The following CDC27 variants were observed in gnomAD, a reference collection of about 807,000 sequenced individuals.
CDC27 encodes the protein cell division cycle 27.
In CDC27, 27 loss-of-function variants were observed where a neutral mutation model predicts 109.7. The observed-to-expected ratio is 0.25, with a 90% CI of 0.18 to 0.34. The LOEUF (loss-of-function observed/expected upper bound fraction) is 0.34. CDC27 is among the 10% of genes least tolerant of loss of function. The pLI, the probability that CDC27 is intolerant of heterozygous loss-of-function variation, is 1.00. For synonymous variants in CDC27, 266 were observed against 333.9 expected, an observed-to-expected ratio of 0.80 and a Z score of 2.22; for missense variants, 579 against 960.2, an observed-to-expected ratio of 0.60 and a Z score of 5.25.
intron 3 of CDC27, among the ~76,000 whole-genome samples, chr17:47,171,384 C>A (rs1189429745): frequency 1.3e-5 from 2 of 152,192 alleles, no homozygotes; most frequent in Non-Finnish European, 2.9e-5. Flanking sequence ...ACACATGTGA[C>A]CGTTTAGTCC....
chr17:47,188,893 T>C, intron 1 of CDC27: 1 of 1,387,576 alleles, frequency 7.2e-7, no homozygotes. Context: ...GGCCGGACGT[T>C]GGCTCGGACG....
Position 47,138,316 on chromosome 17 carries a change from G to C in CDC27, c.1704+423C>G, listed in dbSNP as rs373299731. On this transcript the variant is annotated intron_variant, in intron 13 of 18. Coordinates refer to ENST00000066544, the MANE Select transcript of CDC27 (RefSeq NM_001256.6). ...TTCTAAGCTTAGATATGTTACAAAA[G>C]TATCATTAAATATTTTTGAGATGCA... 7.9e-5 allele frequency among the ~76,000 whole-genome samples: 12 copies of C among 152,180 alleles called. No homozygotes were observed. In the East Asian group the frequency reaches 1.7e-3, roughly 22 times the overall value.
intron 2 of CDC27, among the ~76,000 whole-genome samples, chr17:47,176,972 A>C (rs2064038237): frequency 6.6e-6 from 1 of 152,100 alleles, no homozygotes; most frequent in Non-Finnish European, 1.5e-5. Flanking sequence ...TTGGGCTCTC[A>C]GTATCCTGGT....
intron 7 of CDC27, 87 bp downstream of exon 7, chr17:47,156,826 T>C: frequency 2.1e-6 from 1 of 477,722 alleles, no homozygotes; most frequent in Non-Finnish European, 3.8e-6. Context: ...GAAGTTGCTG[T>C]TGTAATAATC....
In CDC27 at chr17:47,127,102, A is replaced by C. The variant is rs553673808; in HGVS notation, c.2160+2291T>G. Among the ~76,000 whole-genome samples the C allele has an allele frequency of 2.2e-4, 34 of 152,166 alleles. No individual in the cohort carries two copies. In the East Asian group the frequency reaches 4.8e-3, roughly 22 times the overall value. ...GGCCACGGCACCTGGCCCTAAAAGA[A>C]GGTTTTTAAAGACTCCAGTTAGATA... On this transcript the variant is annotated intron_variant, in intron 16 of 18. Transcript: ENST00000066544.
Position 47,118,114 on chromosome 17 carries a change from C to T in CDC27, c.*2821G>A, listed in dbSNP as rs1180875393. 2 of 152,114 alleles carry T rather than the reference C, an allele frequency of 1.3e-5. No homozygotes were observed. Among genetic ancestry groups the T allele is most frequent in the Admixed American group, 6.5e-5 (1 of 15,274 alleles). 9.4% of individuals were successfully genotyped at this position (152,114 alleles called of 1,614,324 possible). Reference sequence around the variant, plus strand: ...ACTTCATACCCACACTTGCATTTTCCCAGGTTTTCACAAAGAAAATGGGTC... The same window carrying T: ...ACTTCATACCCACACTTGCATTTTCTCAGGTTTTCACAAAGAAAATGGGTC... On this transcript the variant is annotated 3_prime_UTR_variant, in exon 19 of 19. Transcript: ENST00000066544.
chr17:47,171,622 A>G (rs1441581468), intron 3 of CDC27, among the ~76,000 whole-genome samples: 1 of 152,216 alleles, frequency 6.6e-6, no homozygotes, highest in East Asian at 1.9e-4. Flanking sequence ...GCTTACTCAA[A>G]TTGGTCTAAC....
chr17:47,132,685 C>A (rs2062382192), intron 14 of CDC27, among the ~76,000 whole-genome samples: 1 of 150,274 alleles, frequency 6.7e-6, no homozygotes, highest in Admixed American at 6.6e-5. Flanking sequence ...CCAGCCTCAG[C>A]CTCCAGAGTA....
intron 5 of CDC27, 72 bp downstream of exon 5, chr17:47,158,133 TC>T (rs1422930063): frequency 1.8e-6 from 1 of 563,884 alleles, no homozygotes; most frequent in African/African-American, 1.9e-5. Context: ...TGTATTGCTC[TC>T]CAAAAATTAA....
chr17:47,137,381 A>C (rs765661411), intron 13 of CDC27, 21 bp from the exon 14 acceptor site: 2 of 1,464,440 alleles, frequency 1.4e-6, no homozygotes, highest in Non-Finnish European at 1.8e-6. Flanking sequence ...TGGGAACAAA[A>C]ACCAAACAGA....
intron 4 of CDC27, chr17:47,159,979 G>A: frequency 7.5e-6 from 2 of 266,688 alleles, no homozygotes; most frequent in South Asian, 3.8e-5. Flanking sequence ...AGCCCTGGAT[G>A]CCACTGCTGA....
chr17:47,176,425 T>G (rs1451722947), intron 2 of CDC27, among the ~76,000 whole-genome samples: 1 of 152,236 alleles, frequency 6.6e-6, no homozygotes, highest in Admixed American at 6.5e-5. Context: ...CAACTGGTTT[T>G]ATACCTGTTG....
At chr17:47,141,744 C>T in intron 12 of CDC27, 109 bp downstream of exon 12, 1 of 573,852 alleles carries the variant, frequency 1.7e-6, no homozygotes, top group Non-Finnish European at 3.0e-6. Context: ...ATAGACATTA[C>T]ATAATAAATA....
At chr17:47,133,026 TATACACACACAC>T (rs1269874679) in intron 14 of CDC27, among the ~76,000 whole-genome samples, 7 of 32,352 alleles carry the variant, frequency 2.2e-4, no homozygotes, top group Non-Finnish European at 3.5e-4. Flanking sequence ...TATATATATA[TATACACACACAC>T]ACACACACAC....
At chr17:47,167,591 T>C (rs924285446) in intron 4 of CDC27, among the ~76,000 whole-genome samples, 1 of 152,214 alleles carries the variant, frequency 6.6e-6, no homozygotes, top group Admixed American at 6.5e-5. Flanking sequence ...GACAGAACGT[T>C]TAATGTGATA....
intron 4 of CDC27, among the ~76,000 whole-genome samples, chr17:47,167,358 CTTCT>C (rs2063681584): frequency 1.3e-5 from 2 of 152,150 alleles, no homozygotes; most frequent in Non-Finnish European, 2.9e-5. Flanking sequence ...ATTTTGCCAA[CTTCT>C]TTCATAAATT....
At chr17:47,183,215 A>G (rs2064308696) in intron 1 of CDC27, among the ~76,000 whole-genome samples, 1 of 152,158 alleles carries the variant, frequency 6.6e-6, no homozygotes, top group Admixed American at 6.5e-5. Context: ...CCAGCTTATA[A>G]TTTGTTGAAT....
intron 1 of CDC27, among the ~76,000 whole-genome samples, chr17:47,184,002 A>G (rs571524718): frequency 6.6e-6 from 1 of 152,214 alleles, no homozygotes; most frequent in African/African-American, 2.4e-5. Context: ...CCACCAAATT[A>G]CTCCTTTATG....
At chr17:47,169,082 C>T (rs180777711) in intron 4 of CDC27, among the ~76,000 whole-genome samples, 1,839 of 151,200 alleles carry the variant, frequency 0.012, 23 homozygotes, top group Non-Finnish European at 0.02. Context: ...GCTCCAACCT[C>T]CTGGGCTCAA....
Sources: gnomAD v4.1 joint callset for allele counts (sites outside exome capture counted in the v4.1 genomes callset) on GRCh38, gnomAD v4.1.1 for gene constraint, MANE v1.5 for transcripts, NCBI Gene and HGNC (gene_info 2026-07-23, HGNC 2026-07-21) for gene names.